The following KCNMA1 variants were observed in gnomAD, a reference collection of about 807,000 sequenced individuals.
The protein encoded by KCNMA1 is Calcium-activated potassium channel subunit alpha-1.
KCNMA1 carries 29 observed loss-of-function variants against 140.0 expected under a neutral mutation model. The observed-to-expected ratio is 0.21, with a 90% CI of 0.15 to 0.28. The LOEUF (loss-of-function observed/expected upper bound fraction) is 0.28, where lower values mean the gene tolerates loss of function less well. KCNMA1 is among the 10% of genes least tolerant of loss of function. The pLI is 1.00. For synonymous variants in KCNMA1, 612 were observed against 611.9 expected (o/e 1.00, Z 0.00); for missense variants, 880 against 1,602.2 (o/e 0.55, Z 7.70).
At chr10:77,183,595 T>C (rs2098819863) in intron 4 of KCNMA1, 63 bp from the exon 5 acceptor site, 1 of 1,120,694 alleles carries the variant, frequency 8.9e-7, no homozygotes, top group African/African-American at 1.5e-5. Context: ...GCATCCAATG[T>C]ACACTCTTTT....
At chr10:76,982,799 C>T (rs2079957383) in intron 19 of KCNMA1, among the ~76,000 whole-genome samples, 2 of 152,228 alleles carry the variant, frequency 1.3e-5, no homozygotes, top group Admixed American at 1.3e-4. Context: ...CTAGCTCGCT[C>T]AGCCCACTTT....
intron 5 of KCNMA1, among the ~76,000 whole-genome samples, chr10:77,148,675 C>T (rs1404058593): frequency 6.6e-6 from 1 of 152,180 alleles, no homozygotes; most frequent in Admixed American, 6.5e-5. Context: ...ATATTTTGGG[C>T]TTTGTAAGCT....
At chr10:77,535,098 G>A (rs56407642) in intron 1 of KCNMA1, among the ~76,000 whole-genome samples, 24,038 of 152,092 alleles carry the variant, frequency 0.16, 2,655 homozygotes, top group East Asian at 0.52. Context: ...TGAAGGTGGC[G>A]CATGAATTAT....
At chr10:77,100,376 G>A (rs1418041310) in intron 9 of KCNMA1, among the ~76,000 whole-genome samples, 1 of 152,084 alleles carries the variant, frequency 6.6e-6, no homozygotes, top group Non-Finnish European at 1.5e-5. Context: ...AAGGTACAAG[G>A]AGGGGAGATA....
At chr10:77,427,214 G>C (rs1307318369) in intron 1 of KCNMA1, among the ~76,000 whole-genome samples, 1 of 152,216 alleles carries the variant, frequency 6.6e-6, no homozygotes, top group African/African-American at 2.4e-5. Flanking sequence ...CCTGAGCCTG[G>C]CTGGAGCACC....
intron 16 of KCNMA1, among the ~76,000 whole-genome samples, chr10:77,024,513 G>A (rs2093207763): frequency 6.6e-6 from 1 of 152,030 alleles, no homozygotes; most frequent in Non-Finnish European, 1.5e-5. Flanking sequence ...CAACAATATT[G>A]TCTTAGATAA....
Position 77,108,465 on chromosome 10 carries a change from C to G in KCNMA1, c.1223+16G>C. On this transcript the variant is annotated intron_variant, in intron 9 of 27. Coordinates refer to ENST00000286628, the MANE Select transcript of KCNMA1 (RefSeq NM_001161352.2). The surrounding 1 kb of genome is among the most constrained non-coding windows in gnomAD (Gnocchi z 4.6). Reference sequence around the variant, plus strand: ...TCTACCGCAGCAGAGGCAGCAAAACCTCTTGGCATACTTACTTTCTTCCAC... The same window carrying G: ...TCTACCGCAGCAGAGGCAGCAAAACGTCTTGGCATACTTACTTTCTTCCAC... 2 of 1,611,118 alleles carry G rather than the reference C, an allele frequency of 1.2e-6. No individual in the cohort carries two copies. The highest frequency in any genetic ancestry group is 1.7e-6 in the Non-Finnish European group (2 of 1,177,756).
chr10:77,398,180 T>C (rs556510343), intron 2 of KCNMA1, among the ~76,000 whole-genome samples: 10 of 152,148 alleles, frequency 6.6e-5, no homozygotes, highest in Admixed American at 3.9e-4. Context: ...GGAGTTCAGG[T>C]ATCTTTCTTA....
At chr10:77,560,052 G>T (rs1027257852) in intron 1 of KCNMA1, among the ~76,000 whole-genome samples, 3 of 151,960 alleles carry the variant, frequency 2.0e-5, no homozygotes, top group Non-Finnish European at 4.4e-5. Flanking sequence ...GCGTGGTGGC[G>T]GGTGCCTGTA....
intron 1 of KCNMA1, among the ~76,000 whole-genome samples, chr10:77,412,658 G>A (rs1273726506): frequency 1.3e-5 from 2 of 152,192 alleles, no homozygotes; most frequent in Non-Finnish European, 2.9e-5. Flanking sequence ...GGTGCCCCAG[G>A]GGGGCTGGTT....
intron 5 of KCNMA1, among the ~76,000 whole-genome samples, chr10:77,178,856 C>T (rs2154116378): frequency 6.6e-6 from 1 of 152,282 alleles, no homozygotes; most frequent in Non-Finnish European, 1.5e-5. Context: ...TAAGATAAAG[C>T]TCTCATTTCA....
chr10:77,173,994 T>G (rs1285220968), intron 5 of KCNMA1, among the ~76,000 whole-genome samples: 1 of 152,132 alleles, frequency 6.6e-6, no homozygotes, highest in African/African-American at 2.4e-5. Context: ...ATGATGAAAT[T>G]GGCCCCCTTC....
chr10:77,523,540 G>A (rs1316801533), intron 1 of KCNMA1, among the ~76,000 whole-genome samples: 1 of 152,220 alleles, frequency 6.6e-6, no homozygotes, highest in Non-Finnish European at 1.5e-5. Context: ...GAAGATGCTG[G>A]AGAAGAGAAA....
intron 1 of KCNMA1, among the ~76,000 whole-genome samples, chr10:77,607,701 G>A (rs369282694): frequency 6.6e-6 from 1 of 152,178 alleles, no homozygotes; most frequent in East Asian, 1.9e-4. Flanking sequence ...CAAGAAAAAC[G>A]ACTTGCCCCT....
intron 2 of KCNMA1, among the ~76,000 whole-genome samples, chr10:77,368,950 G>A (rs1207024167): frequency 6.6e-6 from 1 of 152,228 alleles, no homozygotes; most frequent in African/African-American, 2.4e-5. Flanking sequence ...TATAGCAAGT[G>A]TTAAAATCAG....
chr10:77,506,823 AAGAGAG>A (rs147091712), intron 1 of KCNMA1, among the ~76,000 whole-genome samples: 1 of 89,050 alleles, frequency 1.1e-5, no homozygotes, highest in Non-Finnish European at 2.0e-5. Context: ...GAGAGAGAGA[AAGAGAG>A]AGAGAGAGAG....
chr10:77,501,743 C>CACGT (rs1198264981), intron 1 of KCNMA1, among the ~76,000 whole-genome samples: 1 of 152,216 alleles, frequency 6.6e-6, no homozygotes, highest in African/African-American at 2.4e-5. Flanking sequence ...CCTCAAGTAC[C>CACGT]ACGTGGCCAC....
At chr10:77,436,009 T>C (rs1169646995) in intron 1 of KCNMA1, among the ~76,000 whole-genome samples, 1 of 152,230 alleles carries the variant, frequency 6.6e-6, no homozygotes, top group Non-Finnish European at 1.5e-5. Flanking sequence ...TTCCACCACT[T>C]TGTGAAGTTC....
At position 77,301,640 on chromosome 10, in the gene KCNMA1, C is replaced by G. The variant is rs1267044642; in HGVS notation, c.541-50384G>C. ...TACACATGACTCATTTCACCAACCA[C>G]GAAGATTCTACCATGCACTGGAGAA... On this transcript the variant is annotated intron_variant, in intron 2 of 27. Coordinates refer to ENST00000286628, the MANE Select transcript of KCNMA1 (RefSeq NM_001161352.2). Among the ~76,000 whole-genome samples, 4 of 151,938 alleles carry G rather than the reference C, an allele frequency of 2.6e-5. No individual in the cohort carries two copies. The East Asian group carries it at 7.7e-4, about 29-fold the overall frequency.
Sources: gnomAD v4.1 joint callset for allele counts (sites outside exome capture counted in the v4.1 genomes callset) on GRCh38, gnomAD v4.1.1 for gene constraint, Gnocchi (gnomAD v3.1) non-coding constraint, MANE v1.5 for transcripts, NCBI Gene and HGNC (gene_info 2026-07-23, HGNC 2026-07-21) for gene names.